The following ADAM22 variants were observed in gnomAD, a reference collection of about 807,000 sequenced individuals.
ADAM22 encodes the protein ADAM metallopeptidase domain 22.
Under a neutral mutation model 144.6 loss-of-function variants are expected in ADAM22, and 65 were observed. The observed-to-expected ratio is 0.45, with a 90% CI of 0.37 to 0.55. The LOEUF (loss-of-function observed/expected upper bound fraction) is 0.55. Among genes scored for constraint, ADAM22 ranks in the 20% least tolerant of loss-of-function variants. The probability of loss-of-function intolerance (pLI) is 0.00; values close to 1 mark genes in which losing one functional copy is unlikely to be tolerated. For missense variants in ADAM22, 974 were observed against 1,184.9 expected, an observed-to-expected ratio of 0.82 and a Z score of 2.61; for synonymous variants, 391 against 412.6, an observed-to-expected ratio of 0.95 and a Z score of 0.63.
intron 3 of ADAM22, among the ~76,000 whole-genome samples, chr7:87,985,588 G>A (rs761481553): frequency 2.6e-5 from 4 of 152,054 alleles, no homozygotes; most frequent in African/African-American, 9.7e-5. Flanking sequence ...ATGTATTCTT[G>A]TATGTGGCTT....
rs1358258710 is a variant in ADAM22 at position 88,150,984 on chromosome 7, G to A, written c.1570G>A (p.Ala524Thr). The A allele has an allele frequency of 1.2e-6, 2 of 1,612,956 alleles. No individual in the cohort carries two copies. The highest frequency in any genetic ancestry group is 1.7e-5 in the Admixed American group (1 of 59,978). The part of the protein sequence containing the change: ...ETCSGNSSQC[A>T]PNIHKMDGYS... Reference sequence around the variant, plus strand: ...ATAGTTGTTCTCTTTTTCCTAGTGTGCCCCTAATATTCATAAAATGGATGG... The same window carrying A: ...ATAGTTGTTCTCTTTTTCCTAGTGTACCCCTAATATTCATAAAATGGATGG... The change falls in exon 19 of 32, where the codon GCC (alanine) becomes ACC (threonine). Residue 524 changes from alanine (A) to threonine (T), a missense_variant. Coordinates refer to ENST00000413139, the MANE Select transcript of ADAM22 (RefSeq NM_001324418.2).
chr7:88,005,099 A>T (rs1188465952), intron 3 of ADAM22, among the ~76,000 whole-genome samples: 4 of 152,166 alleles, frequency 2.6e-5, no homozygotes, highest in Non-Finnish European at 5.9e-5. Flanking sequence ...GTTCAAGGCC[A>T]ACCTGGGCAA....
rs114648387 is a variant in ADAM22, at chr7:88,136,334, T to C, written c.1220+303T>C. 7.5e-3 allele frequency among the ~76,000 whole-genome samples: 1,135 copies of C among 152,248 alleles called. 14 individuals are homozygous for C. The highest frequency in any genetic ancestry group is 0.026 in the African/African-American group (1,078 of 41,538). On this transcript the variant is annotated intron_variant, in intron 14 of 31. Transcript: ENST00000413139. ...TTCCTTCAATTCTAATTAAATGGTT[T>C]ATAAACAGTAGTGTGCTGGTAAGTT...
chr7:88,043,831 T>A (rs922742453), intron 3 of ADAM22, among the ~76,000 whole-genome samples: 1 of 152,204 alleles, frequency 6.6e-6, no homozygotes, highest in African/African-American at 2.4e-5. Flanking sequence ...TTCAGATACA[T>A]CCATGCAAAT....
chr7:88,151,725 A>C (rs1838456025), intron 20 of ADAM22, among the ~76,000 whole-genome samples: 1 of 152,198 alleles, frequency 6.6e-6, no homozygotes, highest in East Asian at 1.9e-4. Context: ...TTAGAACAGC[A>C]GCATTTTATC....
In ADAM22 at chr7:88,004,095, T is replaced by C. The variant is rs574742973; in HGVS notation, c.323+25683T>C. Among the ~76,000 whole-genome samples the C allele has an allele frequency of 9.1e-4, 138 of 152,338 alleles. No individual in the cohort carries two copies. The Middle Eastern group carries it at 0.017, about 19-fold the overall frequency. ...GAGCCTTCTTGGGGATTTGAAGTCCTGGGAAGCTGACTTCCTTTCTTGGGA... is the reference window on the plus strand; with the variant it reads ...GAGCCTTCTTGGGGATTTGAAGTCCCGGGAAGCTGACTTCCTTTCTTGGGA... On this transcript the variant is annotated intron_variant, in intron 3 of 31. Coordinates refer to ENST00000413139, the MANE Select transcript of ADAM22 (RefSeq NM_001324418.2).
At chr7:88,060,183 T>C (rs1386870032) in intron 3 of ADAM22, among the ~76,000 whole-genome samples, 1 of 152,198 alleles carries the variant, frequency 6.6e-6, no homozygotes, top group Non-Finnish European at 1.5e-5. Flanking sequence ...TGCCTCAGTG[T>C]TGATGGCTGC....
chr7:88,072,456 C>G (rs1162468274), intron 3 of ADAM22, among the ~76,000 whole-genome samples: 1 of 152,096 alleles, frequency 6.6e-6, no homozygotes, highest in African/African-American at 2.4e-5. Flanking sequence ...GAGTATTTGA[C>G]TTAGGTGATT....
chr7:87,937,401 C>A (rs919629549), intron 2 of ADAM22, among the ~76,000 whole-genome samples: 12 of 151,988 alleles, frequency 7.9e-5, no homozygotes, highest in Non-Finnish European at 4.4e-5. Flanking sequence ...GCTGTTGTAG[C>A]CAGTGCTTTA....
At chr7:88,039,209 C>T (rs1370844622) in intron 3 of ADAM22, among the ~76,000 whole-genome samples, 2 of 151,620 alleles carry the variant, frequency 1.3e-5, no homozygotes, top group African/African-American at 4.8e-5. Flanking sequence ...CTTTGGAGGC[C>T]AAGGGAGGCG....
Position 87,956,026 on chromosome 7 carries a change from C to T in ADAM22, c.246+20840C>T, listed in dbSNP as rs555766223. On this transcript the variant is annotated intron_variant, in intron 2 of 31. Coordinates refer to ENST00000413139, the MANE Select transcript of ADAM22 (RefSeq NM_001324418.2). ...AGTGGCCCGATTTTCTACGTGCCGT[C>T]TGTCACCCCTTTCCTTGACCAGGAA... Among the ~76,000 whole-genome samples the T allele has an allele frequency of 5.3e-5, 8 of 152,334 alleles. No homozygotes were observed. In the East Asian group the frequency reaches 9.7e-4, roughly 18 times the overall value.
chr7:87,963,786 T>G (rs1254973037), intron 2 of ADAM22, among the ~76,000 whole-genome samples: 5 of 152,178 alleles, frequency 3.3e-5, no homozygotes, highest in Non-Finnish European at 7.3e-5. Flanking sequence ...CTGTGATGGC[T>G]CCTTGTAATT....
At chr7:88,105,924 T>G (rs1196901405) in intron 4 of ADAM22, among the ~76,000 whole-genome samples, 2 of 152,190 alleles carry the variant, frequency 1.3e-5, no homozygotes, top group Non-Finnish European at 2.9e-5. Context: ...AGCATTACTC[T>G]AAACTCTTTA....
intron 22 of ADAM22, among the ~76,000 whole-genome samples, chr7:88,160,682 A>C (rs1356819910): frequency 6.6e-6 from 1 of 152,226 alleles, no homozygotes; most frequent in Non-Finnish European, 1.5e-5. Flanking sequence ...TTATTGCGGC[A>C]CTATTCACAA....
chr7:87,965,269 A>T (rs767692813), intron 2 of ADAM22, among the ~76,000 whole-genome samples: 1 of 152,224 alleles, frequency 6.6e-6, no homozygotes. Context: ...TATCCTTAAC[A>T]TTAGGGACTT....
At chr7:87,937,069 C>T (rs1347323707) in intron 2 of ADAM22, among the ~76,000 whole-genome samples, 2 of 152,126 alleles carry the variant, frequency 1.3e-5, no homozygotes, top group African/African-American at 4.8e-5. Context: ...GATCCTTCCA[C>T]CTCAGCTTCC....
At chr7:87,982,194 A>G (rs1853718292) in intron 3 of ADAM22, among the ~76,000 whole-genome samples, 2 of 151,904 alleles carry the variant, frequency 1.3e-5, no homozygotes, top group African/African-American at 4.8e-5. Flanking sequence ...AAAGGAAACA[A>G]AGACTTTACT....
At chr7:88,116,838 T>G in intron 7 of ADAM22, 24 bp downstream of exon 7, 1 of 1,560,596 alleles carries the variant, frequency 6.4e-7, no homozygotes, top group Non-Finnish European at 8.8e-7. Flanking sequence ...ATAGTGACTT[T>G]TTATCTAAAA....
chr7:88,002,257 A>G (rs985960399), intron 3 of ADAM22, among the ~76,000 whole-genome samples: 8 of 152,240 alleles, frequency 5.3e-5, no homozygotes, highest in African/African-American at 1.7e-4. Flanking sequence ...TTCAAGCATC[A>G]TTTCAGTAGG....
Sources: gnomAD v4.1 joint callset for allele counts (sites outside exome capture counted in the v4.1 genomes callset) on GRCh38, gnomAD v4.1.1 for gene constraint, MANE v1.5 for transcripts, NCBI Gene and HGNC (gene_info 2026-07-23, HGNC 2026-07-21) for gene names.